Variants in PRUNE2 observed in about 807,000 individuals in gnomAD.
PRUNE2 encodes the protein protein prune homolog 2.
In PRUNE2, 164 loss-of-function variants were observed where a neutral mutation model predicts 252.0. The observed-to-expected ratio is 0.65, with a 90% CI of 0.57 to 0.74. PRUNE2 has a LOEUF of 0.74. Among genes scored for constraint, PRUNE2 ranks in the 30% least tolerant of loss-of-function variants. PRUNE2 has a pLI of 0.00. For missense variants in PRUNE2, 3,495 were observed against 3,711.0 expected (o/e 0.94, Z 1.51); for synonymous variants, 1,292 against 1,350.2 (o/e 0.96, Z 0.94).
chr9:76,719,579 G>C (rs574747845), intron 6 of PRUNE2, among the ~76,000 whole-genome samples: 217 of 151,866 alleles, frequency 1.4e-3, no homozygotes, highest in Non-Finnish European at 2.6e-3. Flanking sequence ...TAACTTAGGA[G>C]TTTGAGACCA....
intron 9 of PRUNE2, among the ~76,000 whole-genome samples, chr9:76,668,795 T>C (rs1357464470): frequency 6.6e-6 from 1 of 151,660 alleles, no homozygotes; most frequent in East Asian, 1.9e-4. Context: ...ACTTCTCACC[T>C]TGGGAGGCAT....
intron 9 of PRUNE2, among the ~76,000 whole-genome samples, chr9:76,701,471 G>A (rs1294085754): frequency 1.3e-5 from 2 of 152,100 alleles, no homozygotes; most frequent in Non-Finnish European, 2.9e-5. Flanking sequence ...GTTGGATCTC[G>A]GGGCATGTGC....
chr9:76,832,056 G>A (rs2132124826), intron 4 of PRUNE2, among the ~76,000 whole-genome samples: 1 of 152,194 alleles, frequency 6.6e-6, no homozygotes, highest in African/African-American at 2.4e-5. Flanking sequence ...TCAATCCTCT[G>A]GAAGATACAT....
rs73653211 is a variant in PRUNE2 at position 76,789,089 on chromosome 9, T to C, written c.756+34543A>G. On this transcript the variant is annotated intron_variant, in intron 6 of 18. Coordinates refer to ENST00000376718, the MANE Select transcript of PRUNE2 (RefSeq NM_015225.3). ...CATATTTTCAGATGGACAATAGATA[T>C]GTTTACATTTTTGTGAAAAGTACTT... 9.6e-3 allele frequency among the ~76,000 whole-genome samples: 1,456 copies of C among 152,294 alleles called. 20 individuals are homozygous for C. Among genetic ancestry groups the C allele is most frequent in the African/African-American group, 0.034 (1,392 of 41,552 alleles).
intron 18 of PRUNE2, among the ~76,000 whole-genome samples, chr9:76,616,408 A>T (rs374809942): frequency 2.5e-4 from 38 of 152,354 alleles, no homozygotes; most frequent in Middle Eastern, 6.8e-3. Flanking sequence ...TTTTTCCCAT[A>T]GATGAAGAGA....
Position 76,823,741 on chromosome 9 carries a change from A to G in PRUNE2, c.662-15T>C, listed in dbSNP as rs771825147. On this transcript the variant is annotated splice_polypyrimidine_tract_variant and intron_variant, in intron 5 of 18. Transcript: ENST00000376718. Reference sequence around the variant, plus strand: ...AATACTTAAACCTGTGGATGACAGGAAAAAAAAACATTATGTTATACTTGA... The same window carrying G: ...AATACTTAAACCTGTGGATGACAGGGAAAAAAAACATTATGTTATACTTGA... 8.3e-6 allele frequency: 12 copies of G among 1,450,290 alleles called. No homozygotes were observed. Among genetic ancestry groups the G allele is most frequent in the Admixed American group, 5.4e-5 (3 of 55,048 alleles). 89.8% of individuals were successfully genotyped at this position (1,450,290 alleles called of 1,614,324 possible). A position where few individuals can be genotyped will look rare whatever the true frequency, so the allele number is the denominator to read the frequency against.
intron 6 of PRUNE2, among the ~76,000 whole-genome samples, chr9:76,776,512 TTTTTTC>T (rs1487244339): frequency 4.1e-5 from 6 of 147,350 alleles, no homozygotes; most frequent in African/African-American, 1.3e-4. Context: ...TTTTTTTTTC[TTTTTTC>T]TTTTTTTTTT....
chr9:76,769,724 T>C (rs983520929), intron 6 of PRUNE2, among the ~76,000 whole-genome samples: 1 of 152,176 alleles, frequency 6.6e-6, no homozygotes, highest in African/African-American at 2.4e-5. Context: ...TTTCAATATA[T>C]GTCGTTATAT....
intron 9 of PRUNE2, among the ~76,000 whole-genome samples, chr9:76,690,433 AACCTATATCAGGT>A (rs2044588345): frequency 6.6e-6 from 1 of 152,216 alleles, no homozygotes; most frequent in South Asian, 2.1e-4. Context: ...TTTGCACTGT[AACCTATATCAGGT>A]ACCTGAACCT....
rs1046125968 is a variant in PRUNE2, at chr9:76,659,241, T to G, written c.8277-3739A>C. On this transcript the variant is annotated intron_variant, in intron 9 of 18. Coordinates refer to ENST00000376718, the MANE Select transcript of PRUNE2 (RefSeq NM_015225.3). The stretch of plus-strand genomic sequence containing the variant: ...CCATTCTTACTATATAGCTGGCCTT[T>G]ATTGTTTCAAAGGGAATATTTGACT... Among the ~76,000 whole-genome samples, 8 of 152,254 alleles carry G rather than the reference T, an allele frequency of 5.3e-5. 1 individual carries two copies. Among genetic ancestry groups the G allele is most frequent in the Admixed American group, 5.2e-4 (8 of 15,290 alleles).
intron 6 of PRUNE2, among the ~76,000 whole-genome samples, chr9:76,766,136 T>C (rs988339639): frequency 7.3e-5 from 11 of 151,386 alleles, no homozygotes; most frequent in South Asian, 2.1e-4. Context: ...TGAGCCAAGA[T>C]TGCGCCACTG....
rs1201778247 is a variant in PRUNE2, at chr9:76,612,341, CT to C, written c.*2228del. Reference sequence around the variant, plus strand: ...TGAGATTGTTGCTGTGTCTGTTTGGCTATAACAAGAGCCCTCTATGAACAGC... The same window carrying C: ...TGAGATTGTTGCTGTGTCTGTTTGGCATAACAAGAGCCCTCTATGAACAGC... On this transcript the variant is annotated 3_prime_UTR_variant, in exon 19 of 19. Coordinates refer to ENST00000376718, the MANE Select transcript of PRUNE2 (RefSeq NM_015225.3). 1 of 152,132 alleles carries C rather than the reference CT, an allele frequency of 6.6e-6. No individual in the cohort carries two copies. The highest frequency in any genetic ancestry group is 1.5e-5 in the Non-Finnish European group (1 of 68,036). 9.4% of individuals were successfully genotyped at this position (152,132 alleles called of 1,614,324 possible).
intron 1 of PRUNE2, among the ~76,000 whole-genome samples, chr9:76,864,915 C>A (rs542751648): frequency 6.6e-6 from 1 of 152,282 alleles, no homozygotes. Flanking sequence ...TAAAGAGGAC[C>A]CACGATAAGC....
chr9:76,654,524 G>A (rs2133346668), intron 10 of PRUNE2, among the ~76,000 whole-genome samples: 1 of 152,256 alleles, frequency 6.6e-6, no homozygotes, highest in Non-Finnish European at 1.5e-5. Flanking sequence ...TTTGGCTATT[G>A]AGCACTTGAA....
At chr9:76,616,749 A>G (rs1470095566) in intron 18 of PRUNE2, among the ~76,000 whole-genome samples, 1 of 152,208 alleles carries the variant, frequency 6.6e-6, no homozygotes, top group Non-Finnish European at 1.5e-5. Flanking sequence ...TGGAAGGTTA[A>G]TATTTGAGAG....
chr9:76,707,766 C>A lies in PRUNE2; in HGVS notation c.4508G>T (p.Ser1503Ile). The A allele has an allele frequency of 1.2e-6, 2 of 1,613,562 alleles. No homozygotes were observed. Among genetic ancestry groups the A allele is most frequent in the Non-Finnish European group, 1.7e-6 (2 of 1,179,664 alleles). Reference protein sequence around the residue: ...DVPIDSDVHVSSTCSEITKNL... With the variant: ...DVPIDSDVHVISTCSEITKNL... The stretch of plus-strand genomic sequence containing the variant: ...TTTGGTTATCTCAGAACATGTGCTG[C>A]TGACATGCACATCACTGTCTATAGG... The change falls in exon 8 of 19, where the codon AGC (serine) becomes ATC (isoleucine). Residue 1503 changes from serine to isoleucine, a missense_variant. Physicochemically the swap from Ser to Ile is moderately radical, Grantham distance 142. Coordinates refer to ENST00000376718, the MANE Select transcript of PRUNE2 (RefSeq NM_015225.3).
At chr9:76,652,982 C>T (rs1847993137) in intron 10 of PRUNE2, among the ~76,000 whole-genome samples, 2 of 151,988 alleles carry the variant, frequency 1.3e-5, no homozygotes, top group Non-Finnish European at 2.9e-5. Flanking sequence ...GGGTTTGGGC[C>T]CAGTGGAAAA....
chr9:76,897,390 CTTTTTTTTTTTTTTT>C (rs55702049), intron 1 of PRUNE2, among the ~76,000 whole-genome samples: 59 of 56,288 alleles, frequency 1.0e-3, no homozygotes, highest in Non-Finnish European at 1.9e-3. Flanking sequence ...AGGCAAACCT[CTTTTTTTTTTTTTTT>C]TTTTTTTTTT....
chr9:76,822,555 C>T (rs1447824533), intron 6 of PRUNE2, among the ~76,000 whole-genome samples: 1 of 152,146 alleles, frequency 6.6e-6, no homozygotes, highest in Non-Finnish European at 1.5e-5. Context: ...CGCCAGTAAT[C>T]CCAGCACTTT....
Sources: gnomAD v4.1 joint callset for allele counts (sites outside exome capture counted in the v4.1 genomes callset) on GRCh38, gnomAD v4.1.1 for gene constraint, MANE v1.5 for transcripts, NCBI Gene and HGNC (gene_info 2026-07-23, HGNC 2026-07-21) for gene names.